Variants in AUTS2 observed in about 807,000 individuals in gnomAD.
The protein encoded by AUTS2 is activator of transcription and developmental regulator AUTS2, also known as autism susceptibility gene 2 protein.
In AUTS2, 17 loss-of-function variants were observed where a neutral mutation model predicts 112.4. The observed-to-expected ratio is 0.15, with a 90% CI of 0.10 to 0.23. The LOEUF (loss-of-function observed/expected upper bound fraction) is 0.23, where lower values mean the gene tolerates loss of function less well. Ranked by LOEUF, AUTS2 falls within the 10% of genes least tolerant of loss-of-function variation. The probability of loss-of-function intolerance (pLI) is 1.00; values close to 1 mark genes in which losing one functional copy is unlikely to be tolerated. For synonymous variants in AUTS2, 751 were observed against 702.7 expected (o/e 1.07, Z -1.09); for missense variants, 1,510 against 1,701.6 (o/e 0.89, Z 1.98).
At chr7:70,274,438 G>A (rs1274208626) in intron 4 of AUTS2, among the ~76,000 whole-genome samples, 1 of 151,974 alleles carries the variant, frequency 6.6e-6, no homozygotes. Flanking sequence ...TGGACCTCAG[G>A]CATGCACCAC....
intron 2 of AUTS2, among the ~76,000 whole-genome samples, chr7:69,985,264 G>A (rs1290084029): frequency 2.7e-5 from 4 of 149,738 alleles, no homozygotes; most frequent in East Asian, 3.9e-4. Context: ...AAAAGAAAAC[G>A]TGCCCTGTTT....
intron 1 of AUTS2, among the ~76,000 whole-genome samples, chr7:69,724,493 C>CT (rs1410641784): frequency 1.3e-5 from 2 of 152,100 alleles, no homozygotes; most frequent in Admixed American, 1.3e-4. Flanking sequence ...CTGCTGTTGT[C>CT]TTGTGCTCTC....
In AUTS2 at chr7:70,174,171, G is replaced by A. The variant is rs1346015072; in HGVS notation, c.660+39600G>A. ...GTGAACACATGAGTGATAAGAAAGT[G>A]AAACAGCCCTTTTGCTGATATGGAG... On this transcript the variant is annotated intron_variant, in intron 4 of 18. Coordinates refer to ENST00000342771, the MANE Select transcript of AUTS2 (RefSeq NM_015570.4). Among the ~76,000 whole-genome samples, 8 of 152,236 alleles carry A rather than the reference G, an allele frequency of 5.3e-5. No homozygotes were observed. The East Asian group carries it at 1.5e-3, about 29-fold the overall frequency.
chr7:70,242,235 T>C (rs899440325), intron 4 of AUTS2, among the ~76,000 whole-genome samples: 1 of 152,096 alleles, frequency 6.6e-6, no homozygotes, highest in Non-Finnish European at 1.5e-5. Context: ...GTAGAGGAGA[T>C]TGTGTGGCTA....
intron 5 of AUTS2, among the ~76,000 whole-genome samples, chr7:70,684,496 G>A (rs1005894845): frequency 6.6e-6 from 1 of 152,096 alleles, no homozygotes; most frequent in African/African-American, 2.4e-5. Flanking sequence ...ACCCAGCAGT[G>A]GGGATAGGAT....
chr7:70,341,653 G>A (rs1041667805), intron 4 of AUTS2, among the ~76,000 whole-genome samples: 3 of 152,220 alleles, frequency 2.0e-5, no homozygotes, highest in African/African-American at 4.8e-5. Context: ...CAATTAGCAC[G>A]AAAAGAGTCT....
At chr7:70,372,711 C>T (rs544438393) in intron 4 of AUTS2, among the ~76,000 whole-genome samples, 6 of 148,348 alleles carry the variant, frequency 4.0e-5, no homozygotes, top group Non-Finnish European at 5.9e-5. Context: ...GGAAAGAAAA[C>T]GAGAGGTATA....
At chr7:70,513,074 G>A (rs780684520) in intron 5 of AUTS2, among the ~76,000 whole-genome samples, 4 of 152,226 alleles carry the variant, frequency 2.6e-5, no homozygotes, top group African/African-American at 4.8e-5. Flanking sequence ...ACAGATCTGC[G>A]TAATGGGGAA....
At chr7:70,662,453 TA>T (rs1327730343) in intron 5 of AUTS2, among the ~76,000 whole-genome samples, 1 of 152,134 alleles carries the variant, frequency 6.6e-6, no homozygotes, top group Admixed American at 6.5e-5. Flanking sequence ...ACCTGCAGGA[TA>T]ATGTGTGGGC....
At chr7:70,440,893 G>A (rs1796097605) in intron 5 of AUTS2, among the ~76,000 whole-genome samples, 1 of 152,186 alleles carries the variant, frequency 6.6e-6, no homozygotes. Context: ...TAGGGCCAGA[G>A]CATCTGTATT....
At chr7:69,749,205 C>A (rs925866725) in intron 1 of AUTS2, among the ~76,000 whole-genome samples, 4 of 152,158 alleles carry the variant, frequency 2.6e-5, no homozygotes, top group African/African-American at 9.7e-5. Context: ...CTCCCTTATA[C>A]AGACTTCTAT....
intron 4 of AUTS2, among the ~76,000 whole-genome samples, chr7:70,178,939 G>A (rs1462532725): frequency 3.3e-5 from 5 of 152,198 alleles, no homozygotes; most frequent in Non-Finnish European, 7.3e-5. Flanking sequence ...ATGAGGAAGT[G>A]TGTCTTTGTG....
At chr7:70,447,088 A>G (rs1157960155) in intron 5 of AUTS2, among the ~76,000 whole-genome samples, 1 of 152,124 alleles carries the variant, frequency 6.6e-6, no homozygotes, top group Non-Finnish European at 1.5e-5. Context: ...GCTGATTTGT[A>G]TTGTTCTTGT....
Position 70,786,620 on chromosome 7 carries a change from G to A in AUTS2, c.2308+582G>A, listed in dbSNP as rs576237362. 2.6e-5 allele frequency among the ~76,000 whole-genome samples: 4 copies of A among 152,210 alleles called. 1 individual carries two copies. The highest frequency in any genetic ancestry group is 3.9e-4 in the East Asian group (2 of 5,182). On this transcript the variant is annotated intron_variant, in intron 17 of 18. Coordinates refer to ENST00000342771, the MANE Select transcript of AUTS2 (RefSeq NM_015570.4). ...ACGTTCTAAACATTAGTGTTTAGTCGCTGAATATGCAAATTATTTTCTTTC... is the reference window on the plus strand; with the variant it reads ...ACGTTCTAAACATTAGTGTTTAGTCACTGAATATGCAAATTATTTTCTTTC...
intron 4 of AUTS2, among the ~76,000 whole-genome samples, chr7:70,261,043 G>T (rs529663073): frequency 6.6e-6 from 1 of 151,852 alleles, no homozygotes; most frequent in African/African-American, 2.4e-5. Context: ...CACCGCGCCC[G>T]GCCAACCTGT....
chr7:69,894,987 GTTT>G (rs565153537), intron 1 of AUTS2, among the ~76,000 whole-genome samples: 2 of 151,980 alleles, frequency 1.3e-5, no homozygotes, highest in Non-Finnish European at 1.5e-5. Context: ...ATCCCAAAAA[GTTT>G]TTTTATATAC....
intron 2 of AUTS2, among the ~76,000 whole-genome samples, chr7:70,063,576 G>T (rs1277153360): frequency 1.3e-5 from 2 of 152,140 alleles, no homozygotes; most frequent in East Asian, 3.9e-4. Context: ...GTTTTGAATG[G>T]CAGAAACAGA....
chr7:70,108,685 G>A (rs1584734191), intron 2 of AUTS2, among the ~76,000 whole-genome samples: 3 of 150,952 alleles, frequency 2.0e-5, no homozygotes, highest in East Asian at 1.9e-4. Flanking sequence ...ATTCCAGGCC[G>A]GGAGCTGTGG....
intron 6 of AUTS2, among the ~76,000 whole-genome samples, chr7:70,752,438 C>T (rs1300362754): frequency 2.6e-5 from 4 of 152,100 alleles, no homozygotes; most frequent in Non-Finnish European, 4.4e-5. Context: ...CCCTTGGGGT[C>T]GGTGCAGTGG....
Sources: allele counts gnomAD v4.1 joint callset (sites outside exome capture counted in the v4.1 genomes callset), GRCh38; gene constraint gnomAD v4.1.1; transcripts MANE v1.5; gene names NCBI Gene and HGNC (gene_info 2026-07-23, HGNC 2026-07-21).